The following CNTNAP2 variants were observed in gnomAD, a reference collection of about 807,000 sequenced individuals.
CNTNAP2 encodes the protein contactin associated protein 2.
Under a neutral mutation model 155.2 loss-of-function variants are expected in CNTNAP2, and 98 were observed. That is an observed-to-expected ratio of 0.63 (90% CI 0.54 to 0.75). The LOEUF is 0.75. Ranked by LOEUF, CNTNAP2 falls within the 30% of genes least tolerant of loss-of-function variation. The probability of loss-of-function intolerance (pLI) is 0.00; values close to 1 mark genes in which losing one functional copy is unlikely to be tolerated. For synonymous variants in CNTNAP2, 651 were observed against 631.2 expected (o/e 1.03, Z -0.47); for missense variants, 1,727 against 1,688.1 (o/e 1.02, Z -0.40).
chr7:146,763,374 C>T (rs898728405), intron 1 of CNTNAP2, among the ~76,000 whole-genome samples: 1 of 152,120 alleles, frequency 6.6e-6, no homozygotes, highest in African/African-American at 2.4e-5. Context: ...TTCAAGGATG[C>T]TTATCCATTC....
intron 8 of CNTNAP2, among the ~76,000 whole-genome samples, chr7:147,169,689 A>G (rs1357077968): frequency 6.6e-6 from 1 of 152,162 alleles, no homozygotes; most frequent in Non-Finnish European, 1.5e-5. Context: ...AGAGGAATGG[A>G]TAAATTCTTG....
chr7:147,442,684 T>C (rs895904799), intron 10 of CNTNAP2, among the ~76,000 whole-genome samples: 5 of 152,054 alleles, frequency 3.3e-5, no homozygotes, highest in Non-Finnish European at 7.4e-5. Context: ...TTGCTGCTGG[T>C]TATTTGAGCC....
chr7:148,254,508 G>T (rs1429672764), intron 20 of CNTNAP2, among the ~76,000 whole-genome samples: 1 of 152,056 alleles, frequency 6.6e-6, no homozygotes, highest in East Asian at 1.9e-4. Flanking sequence ...CATGCACGTT[G>T]GCTCATACCT....
chr7:147,532,408 G>A (rs1207574744), intron 11 of CNTNAP2, among the ~76,000 whole-genome samples: 1 of 152,094 alleles, frequency 6.6e-6, no homozygotes, highest in African/African-American at 2.4e-5. Context: ...GGATTTTATT[G>A]TTCATGTCAC....
intron 17 of CNTNAP2, among the ~76,000 whole-genome samples, chr7:148,170,975 G>A (rs2116689111): frequency 6.6e-6 from 1 of 152,246 alleles, no homozygotes; most frequent in Middle Eastern, 3.4e-3. Flanking sequence ...TGACTGGAAA[G>A]TTCTTCTCGG....
At chr7:146,371,373 T>TTTG (rs1795232706) in intron 1 of CNTNAP2, among the ~76,000 whole-genome samples, 1 of 136,690 alleles carries the variant, frequency 7.3e-6, no homozygotes, top group Admixed American at 7.4e-5. Context: ...TAGTTTTTTT[T>TTTG]TTTTTTTTTT....
At chr7:147,494,453 C>G (rs1798660402) in intron 11 of CNTNAP2, among the ~76,000 whole-genome samples, 1 of 105,434 alleles carries the variant, frequency 9.5e-6, no homozygotes, top group Non-Finnish European at 1.8e-5. Flanking sequence ...ATATGTCTTT[C>G]TCTTTGAGTC....
At chr7:147,315,634 A>C (rs1267579852) in intron 9 of CNTNAP2, among the ~76,000 whole-genome samples, 1 of 151,460 alleles carries the variant, frequency 6.6e-6, no homozygotes, top group East Asian at 1.9e-4. Flanking sequence ...GGAGCCCGCC[A>C]CACGCCCGGC....
Position 148,367,254 on chromosome 7 carries a change from A to G in CNTNAP2, c.3476-16395A>G, listed in dbSNP as rs1056703014. 4.6e-5 allele frequency among the ~76,000 whole-genome samples: 7 copies of G among 151,548 alleles called. No individual in the cohort carries two copies. The East Asian group carries it at 1.4e-3, about 29-fold the overall frequency. ...CAAAAAAAAAATAAAAGAAAAGAAA[A>G]ACCATCACATATGTTTGGCAGGGGC... On this transcript the variant is annotated intron_variant, in intron 21 of 23. Coordinates refer to ENST00000361727, the MANE Select transcript of CNTNAP2 (RefSeq NM_014141.6).
chr7:148,288,846 A>G (rs1797137311), intron 21 of CNTNAP2, among the ~76,000 whole-genome samples: 1 of 151,666 alleles, frequency 6.6e-6, no homozygotes, highest in Non-Finnish European at 1.5e-5. Flanking sequence ...CTTGGACAAC[A>G]ACTACATGCT....
At chr7:148,229,360 A>G (rs1036373179) in intron 19 of CNTNAP2, among the ~76,000 whole-genome samples, 4 of 152,090 alleles carry the variant, frequency 2.6e-5, no homozygotes, top group African/African-American at 7.2e-5. Context: ...CCCCATCACT[A>G]CTGAAAATAC....
intron 1 of CNTNAP2, among the ~76,000 whole-genome samples, chr7:146,279,900 G>A (rs1216306483): frequency 1.3e-5 from 2 of 151,558 alleles, no homozygotes; most frequent in Non-Finnish European, 2.9e-5. Flanking sequence ...AATATATAAT[G>A]TAGAAAAAAG....
intron 1 of CNTNAP2, among the ~76,000 whole-genome samples, chr7:146,566,934 TTTAC>T (rs1278013176): frequency 2.6e-5 from 4 of 152,244 alleles, no homozygotes; most frequent in African/African-American, 9.6e-5. Context: ...ATTGTATTTA[TTTAC>T]TTATTTATTT....
At chr7:147,615,464 G>T (rs12671745) in intron 12 of CNTNAP2, among the ~76,000 whole-genome samples, 98,911 of 151,074 alleles carry the variant, frequency 0.65, 32,713 homozygotes, top group African/African-American at 0.74. Context: ...AAGAATGCAA[G>T]AAGATATAAT....
At chr7:148,241,815 T>C (rs1796162839) in intron 20 of CNTNAP2, among the ~76,000 whole-genome samples, 1 of 152,272 alleles carries the variant, frequency 6.6e-6, no homozygotes, top group Admixed American at 6.5e-5. Context: ...TCATTTGTTT[T>C]CTAAAGCAAT....
intron 4 of CNTNAP2, among the ~76,000 whole-genome samples, chr7:147,075,541 T>C (rs530072337): frequency 6.6e-6 from 1 of 152,258 alleles, no homozygotes; most frequent in South Asian, 2.1e-4. Flanking sequence ...CCATCAAGCA[T>C]TCCAGACTAA....
chr7:146,799,129 C>T (rs1802829159), intron 2 of CNTNAP2, among the ~76,000 whole-genome samples: 1 of 152,130 alleles, frequency 6.6e-6, no homozygotes, highest in African/African-American at 2.4e-5. Flanking sequence ...TAGAACTTAC[C>T]TCTCCTTGTA....
At chr7:147,012,382 A>G (rs1392797076) in intron 3 of CNTNAP2, among the ~76,000 whole-genome samples, 1 of 152,178 alleles carries the variant, frequency 6.6e-6, no homozygotes, top group Non-Finnish European at 1.5e-5. Flanking sequence ...AGTGATTCAG[A>G]AGGAATAAAA....
At chr7:146,702,393 T>C (rs980863410) in intron 1 of CNTNAP2, among the ~76,000 whole-genome samples, 5 of 152,150 alleles carry the variant, frequency 3.3e-5, no homozygotes, top group African/African-American at 7.2e-5. Context: ...TTTTATTCTA[T>C]TAAAAGGGCA....
Sources: gnomAD v4.1 joint callset for allele counts (sites outside exome capture counted in the v4.1 genomes callset) on GRCh38, gnomAD v4.1.1 for gene constraint, MANE v1.5 for transcripts, NCBI Gene and HGNC (gene_info 2026-07-23, HGNC 2026-07-21) for gene names.